The following ASF1B variants were observed in gnomAD, a reference collection of about 807,000 sequenced individuals.
ASF1B encodes anti-silencing function 1B histone chaperone, also known as histone chaperone ASF1B.
A neutral mutation model predicts 16.6 loss-of-function variants in ASF1B; 10 were observed. The ratio of observed to expected loss-of-function variants is 0.60; its 90% CI spans 0.37 to 1.02. ASF1B has a LOEUF of 1.02. ASF1B is among the 50% of genes least tolerant of loss of function. The pLI, the probability that ASF1B is intolerant of heterozygous loss-of-function variation, is 0.01. For synonymous variants in ASF1B, 101 were observed against 106.2 expected, an observed-to-expected ratio of 0.95 and a Z score of 0.30; for missense variants, 240 against 266.0, an observed-to-expected ratio of 0.90 and a Z score of 0.68.
chr19:14,133,712 C>T (rs1402225017), intron 1 of ASF1B, among the ~76,000 whole-genome samples: 1 of 151,908 alleles, frequency 6.6e-6, no homozygotes, highest in African/African-American at 2.4e-5. Context: ...TTAGCCCTTC[C>T]GGCTCTAATT....
intron 1 of ASF1B, among the ~76,000 whole-genome samples, chr19:14,127,901 G>C (rs774351309): frequency 6.6e-6 from 1 of 152,150 alleles, no homozygotes; most frequent in Non-Finnish European, 1.5e-5. Flanking sequence ...GCCTCCCAAA[G>C]TGCTGGGATT....
At chr19:14,123,378 C>CTTTTTTTTTTTTTTTTTT (rs74181857) in intron 2 of ASF1B, among the ~76,000 whole-genome samples, 1 of 119,822 alleles carries the variant, frequency 8.3e-6, no homozygotes, top group Non-Finnish European at 1.7e-5. Context: ...TTTCTTTCTT[C>CTTTTTTTTTTTTTTTTTT]TTTTTTTTTT....
rs367974759 is a variant in ASF1B, at chr19:14,122,255, C to T, written c.226-547G>A. 3.2e-3 allele frequency among the ~76,000 whole-genome samples: 483 copies of T among 150,800 alleles called. 1 individual carries two copies. Among genetic ancestry groups the T allele is most frequent in the African/African-American group, 9.5e-3 (390 of 41,042 alleles). ...CTTTTTTTTGTATTTTTAGTACAGA[C>T]GGGATTTCACCATGTTGGCCAGGCT... On this transcript the variant is annotated intron_variant, in intron 2 of 3. Transcript: ENST00000263382.
At chr19:14,130,522 AT>A (rs1957264786) in intron 1 of ASF1B, among the ~76,000 whole-genome samples, 1 of 151,206 alleles carries the variant, frequency 6.6e-6, no homozygotes, top group South Asian at 2.1e-4. Context: ...AAAAAAAAAA[AT>A]CTGGCTGCAG....
chr19:14,121,440 G>T (rs1391514488), intron 3 of ASF1B, 92 bp downstream of exon 3: 3 of 1,398,744 alleles, frequency 2.1e-6, no homozygotes, highest in Non-Finnish European at 3.0e-6. Flanking sequence ...AAAACCTTAA[G>T]AAGTGACCTT....
Position 14,136,352 on chromosome 19 carries a change from C to A in ASF1B, c.105G>T (p.Ala35=), listed in dbSNP as rs760367685. Residue 35 remains alanine, a synonymous_variant, in exon 1 of 4, where the codon GCG becomes GCT. Coordinates refer to ENST00000263382, the MANE Select transcript of ASF1B (RefSeq NM_018154.3). ...CCCGCACAGGCCCAGCCTCACCGTC[C>A]GCCAGGGCTTCACTGCACTCGAAGC... is the stretch of plus-strand genomic sequence containing the variant. The part of the protein sequence containing the change: ...EISFECSEAL[A]DDLEWKIIYV... The A allele has an allele frequency of 6.2e-7, 1 of 1,612,872 alleles. No individual in the cohort carries two copies. The highest frequency in any genetic ancestry group is 8.5e-7 in the Non-Finnish European group (1 of 1,179,160).
At chr19:14,121,753 C>T in intron 2 of ASF1B, 45 bp from the exon 3 acceptor site, 1 of 1,530,852 alleles carries the variant, frequency 6.5e-7, no homozygotes, top group African/African-American at 1.4e-5. Flanking sequence ...ACAGCCATGC[C>T]TCGATGTCAT....
In ASF1B at chr19:14,126,299, G is replaced by C; in HGVS notation, c.110-62C>G. 5.7e-6 allele frequency: 7 copies of C among 1,225,248 alleles called. No homozygotes were observed. In the South Asian group the frequency reaches 9.0e-5, roughly 16 times the overall value. The allele number at this position is 1,225,248 out of a possible 1,614,324, so 75.9% of individuals were successfully genotyped here. A position where few individuals can be genotyped will look rare whatever the true frequency, so the allele number is the denominator to read the frequency against. ...CTCAACAGCAAGAAGGCAGGGATAG[G>C]CTCTTGTATTTTTTTTTTTTTTTGA... On this transcript the variant is annotated intron_variant, in intron 1 of 3. Coordinates refer to ENST00000263382, the MANE Select transcript of ASF1B (RefSeq NM_018154.3).
At position 14,120,259 on chromosome 19, in the gene ASF1B, T is replaced by C. The variant is rs149484550; in HGVS notation, c.*200A>G. The C allele has an allele frequency of 9.8e-4, 548 of 557,896 alleles. 2 individuals are homozygous for C. The highest frequency in any genetic ancestry group is 8.9e-3 in the African/African-American group (462 of 51,912). 34.6% of individuals were successfully genotyped at this position (557,896 alleles called of 1,614,324 possible). On this transcript the variant is annotated 3_prime_UTR_variant, in exon 4 of 4. Transcript: ENST00000263382. ...TTAGAACTGAAGTACCTGCTTCTTA[T>C]AGGCCTGTAGAGGAAAAGCGAGATC...
chr19:14,130,710 G>A (rs1044771644), intron 1 of ASF1B, among the ~76,000 whole-genome samples: 1 of 151,428 alleles, frequency 6.6e-6, no homozygotes, highest in East Asian at 1.9e-4. Flanking sequence ...CAACTCAACT[G>A]TGTCCCATGT....
chr19:14,134,680 C>T (rs1299844243), intron 1 of ASF1B, among the ~76,000 whole-genome samples: 2 of 152,150 alleles, frequency 1.3e-5, no homozygotes, highest in Non-Finnish European at 2.9e-5. Flanking sequence ...AGGTCTTTTG[C>T]GTTTTGTGGC....
chr19:14,120,419 TG>T lies in ASF1B; in HGVS notation c.*39del. 1.9e-6 allele frequency: 3 copies of T among 1,599,088 alleles called. No individual in the cohort carries two copies. The East Asian group carries it at 6.7e-5, about 36-fold the overall frequency. On this transcript the variant is annotated 3_prime_UTR_variant, in exon 4 of 4. Coordinates refer to ENST00000263382, the MANE Select transcript of ASF1B (RefSeq NM_018154.3). Reference sequence around the variant, plus strand: ...TGCAGGACTCGCTGGGAGGCCTGGTTGCCCCTCCCGGCGTGCTGGGACACTC... The same window carrying T: ...TGCAGGACTCGCTGGGAGGCCTGGTTCCCCTCCCGGCGTGCTGGGACACTC...
chr19:14,132,108 G>T (rs1967415061), intron 1 of ASF1B, among the ~76,000 whole-genome samples: 1 of 146,808 alleles, frequency 6.8e-6, no homozygotes, highest in African/African-American at 2.5e-5. Context: ...GCTCACTGCA[G>T]CCCTGACCTC....
intron 1 of ASF1B, among the ~76,000 whole-genome samples, chr19:14,128,054 G>A (rs1323479567): frequency 1.3e-5 from 2 of 152,292 alleles, no homozygotes; most frequent in East Asian, 1.9e-4. Flanking sequence ...AGGAAATTCC[G>A]GTCAACATGG....
intron 1 of ASF1B, among the ~76,000 whole-genome samples, chr19:14,131,189 CTTT>C (rs917061483): frequency 1.7e-5 from 2 of 117,730 alleles, no homozygotes; most frequent in African/African-American, 6.3e-5. Context: ...TTTTTTTTTT[CTTT>C]TTTTTTTTTT....
At chr19:14,132,947 C>T (rs1215090741) in intron 1 of ASF1B, among the ~76,000 whole-genome samples, 23 of 151,798 alleles carry the variant, frequency 1.5e-4, no homozygotes, top group Non-Finnish European at 3.2e-4. Flanking sequence ...AGTGAAACCC[C>T]GTCTCTACTA....
rs549271836 is a variant in ASF1B at position 14,132,168 on chromosome 19, C to T, written c.109+4180G>A. On this transcript the variant is annotated intron_variant, in intron 1 of 3. Coordinates refer to ENST00000263382, the MANE Select transcript of ASF1B (RefSeq NM_018154.3). Reference sequence around the variant, plus strand: ...TCAGCCTCCTGAGTAGCTGGGACCACAGACACGTGCCACCAAGTCCCGTTA... The same window carrying T: ...TCAGCCTCCTGAGTAGCTGGGACCATAGACACGTGCCACCAAGTCCCGTTA... 3.3e-5 allele frequency among the ~76,000 whole-genome samples: 5 copies of T among 152,094 alleles called. No homozygotes were observed. The South Asian group carries it at 1.0e-3, about 32-fold the overall frequency.
intron 1 of ASF1B, among the ~76,000 whole-genome samples, chr19:14,130,875 T>C (rs961848304): frequency 1.3e-5 from 2 of 151,876 alleles, no homozygotes; most frequent in Non-Finnish European, 2.9e-5. Flanking sequence ...GTCTGCTTCC[T>C]GCTTTTTTGT....
chr19:14,136,296 G>A (rs1967497881), intron 1 of ASF1B, 52 bp downstream of exon 1: 2 of 1,533,584 alleles, frequency 1.3e-6, no homozygotes, highest in African/African-American at 1.4e-5. Flanking sequence ...TTCTCTGAGG[G>A]GAGGCCGGGG....
Sources: gnomAD v4.1 joint callset for allele counts (sites outside exome capture counted in the v4.1 genomes callset) on GRCh38, gnomAD v4.1.1 for gene constraint, MANE v1.5 for transcripts, NCBI Gene and HGNC (gene_info 2026-07-23, HGNC 2026-07-21) for gene names.